The following IQCM variants were observed in gnomAD, a reference collection of about 807,000 sequenced individuals.
IQCM encodes the protein IQ domain-containing protein M.
Under a neutral mutation model 57.6 loss-of-function variants are expected in IQCM, and 45 were observed. The observed-to-expected ratio is 0.78, with a 90% CI of 0.62 to 1.00. IQCM has a LOEUF of 1.00. Among genes scored for constraint, IQCM ranks in the 50% least tolerant of loss-of-function variants. IQCM has a pLI of 0.00. For synonymous variants in IQCM, 148 were observed against 158.9 expected (o/e 0.93, Z 0.51); for missense variants, 468 against 511.6 (o/e 0.91, Z 0.82).
At chr4:149,616,513 T>C (rs561050194) in intron 8 of IQCM, among the ~76,000 whole-genome samples, 9 of 152,252 alleles carry the variant, frequency 5.9e-5, no homozygotes, top group African/African-American at 1.9e-4. Context: ...TGGATAGTAA[T>C]GATGGTTACA....
intron 13 of IQCM, among the ~76,000 whole-genome samples, chr4:149,368,329 C>G (rs1267359733): frequency 1.3e-5 from 2 of 151,852 alleles, no homozygotes; most frequent in Non-Finnish European, 2.9e-5. Flanking sequence ...ATGTTATAAA[C>G]TATGAGAATA....
intron 2 of IQCM, among the ~76,000 whole-genome samples, chr4:149,781,699 G>T (rs1771616611): frequency 6.6e-6 from 1 of 152,172 alleles, no homozygotes; most frequent in Non-Finnish European, 1.5e-5. Context: ...TCAGACATCT[G>T]CTGGGGGTCT....
intron 7 of IQCM, among the ~76,000 whole-genome samples, chr4:149,651,014 T>C (rs917633737): frequency 6.6e-6 from 1 of 152,072 alleles, no homozygotes; most frequent in Non-Finnish European, 1.5e-5. Flanking sequence ...AAGTGAAAAA[T>C]CAGGAATTCA....
At chr4:149,478,746 G>A (rs899506714) in intron 12 of IQCM, among the ~76,000 whole-genome samples, 3 of 152,106 alleles carry the variant, frequency 2.0e-5, no homozygotes, top group African/African-American at 7.2e-5. Context: ...GAATCTACAA[G>A]AGTCTTTCTA....
At chr4:149,595,571 C>T (rs974538375) in intron 8 of IQCM, among the ~76,000 whole-genome samples, 3 of 152,148 alleles carry the variant, frequency 2.0e-5, no homozygotes, top group African/African-American at 7.2e-5. Flanking sequence ...CTGAAGAAGT[C>T]AGTCATGTCC....
At chr4:149,442,134 A>G (rs1424084196) in intron 12 of IQCM, among the ~76,000 whole-genome samples, 2 of 152,194 alleles carry the variant, frequency 1.3e-5, no homozygotes, top group Non-Finnish European at 2.9e-5. Flanking sequence ...CTTGATAACT[A>G]ATGAGACTTG....
rs183244146 is a variant in IQCM at position 149,503,875 on chromosome 4, C to A, written c.1228+44580G>T. Among the ~76,000 whole-genome samples the A allele has an allele frequency of 3.5e-3, 527 of 152,048 alleles. 2 individuals carry two copies. The highest frequency in any genetic ancestry group is 0.014 in the Middle Eastern group (4 of 294). Reference sequence around the variant, plus strand: ...TAAACATCAAATTGGAGATGAAATTCATCTGGAATTTTGAGGGAGAAAAAA... The same window carrying A: ...TAAACATCAAATTGGAGATGAAATTAATCTGGAATTTTGAGGGAGAAAAAA... On this transcript the variant is annotated intron_variant, in intron 12 of 13. Transcript: ENST00000636793.
chr4:149,358,849 T>TATCATGATATACTCTCATGAGTAC (rs1729224534), intron 13 of IQCM, among the ~76,000 whole-genome samples: 1 of 151,446 alleles, frequency 6.6e-6, no homozygotes, highest in Admixed American at 6.6e-5. Flanking sequence ...GTGGACAGTA[T>TATCATGATATACTCTCATGAGTAC]ATCATGATAT....
At chr4:149,701,545 G>A (rs938540035) in intron 5 of IQCM, among the ~76,000 whole-genome samples, 1 of 151,930 alleles carries the variant, frequency 6.6e-6, no homozygotes, top group African/African-American at 2.4e-5. Context: ...CAATGGTGTT[G>A]TCATTTCTCT....
intron 13 of IQCM, chr4:149,429,908 T>G: frequency 1.0e-6 from 1 of 963,136 alleles, no homozygotes; most frequent in Non-Finnish European, 1.3e-6. Flanking sequence ...AGTTTGAAAA[T>G]AACAACGTAA....
intron 13 of IQCM, among the ~76,000 whole-genome samples, chr4:149,417,876 T>C (rs913236453): frequency 6.6e-6 from 1 of 150,424 alleles, no homozygotes; most frequent in Non-Finnish European, 1.5e-5. Context: ...CACTTGAAGA[T>C]TGTAGGAATT....
intron 5 of IQCM, among the ~76,000 whole-genome samples, chr4:149,702,662 G>A (rs1763860547): frequency 6.6e-6 from 1 of 151,896 alleles, no homozygotes; most frequent in South Asian, 2.1e-4. Context: ...AAATAAGAAA[G>A]TACAGATGGA....
At chr4:149,645,809 C>T (rs911613278) in intron 7 of IQCM, among the ~76,000 whole-genome samples, 1 of 152,006 alleles carries the variant, frequency 6.6e-6, no homozygotes, top group Non-Finnish European at 1.5e-5. Flanking sequence ...ACAGTGGCAC[C>T]CAACTCCCTC....
At chr4:149,814,623 C>A (rs1465870900) in intron 2 of IQCM, among the ~76,000 whole-genome samples, 1 of 151,854 alleles carries the variant, frequency 6.6e-6, no homozygotes, top group Non-Finnish European at 1.5e-5. Context: ...ATCAGGTATC[C>A]AGAATAGCTA....
At chr4:149,611,966 T>TTA (rs1755335068) in intron 8 of IQCM, among the ~76,000 whole-genome samples, 1 of 151,204 alleles carries the variant, frequency 6.6e-6, no homozygotes, top group Non-Finnish European at 1.5e-5. Context: ...TAACAATAAT[T>TTA]TTATTATTTA....
chr4:149,750,371 C>T (rs963599942), intron 2 of IQCM, among the ~76,000 whole-genome samples: 1 of 152,130 alleles, frequency 6.6e-6, no homozygotes, highest in Non-Finnish European at 1.5e-5. Flanking sequence ...AATAGAGTGA[C>T]GCTTTCCTTG....
intron 12 of IQCM, among the ~76,000 whole-genome samples, chr4:149,479,481 T>A (rs1328540134): frequency 1.3e-5 from 2 of 152,222 alleles, no homozygotes; most frequent in Non-Finnish European, 2.9e-5. Context: ...ACTCATATGA[T>A]CTTCCTAGTA....
At chr4:149,397,021 T>A (rs752648830) in intron 13 of IQCM, among the ~76,000 whole-genome samples, 2 of 152,026 alleles carry the variant, frequency 1.3e-5, no homozygotes, top group Non-Finnish European at 2.9e-5. Context: ...AATGCTCATA[T>A]CTTGGAGACA....
intron 2 of IQCM, among the ~76,000 whole-genome samples, chr4:149,770,549 A>C (rs1208818545): frequency 6.6e-6 from 1 of 152,088 alleles, no homozygotes; most frequent in African/African-American, 2.4e-5. Context: ...TTAGTAAATA[A>C]AATTTGGTAA....
Sources: allele counts gnomAD v4.1 joint callset (sites outside exome capture counted in the v4.1 genomes callset), GRCh38; gene constraint gnomAD v4.1.1; transcripts MANE v1.5; gene names NCBI Gene and HGNC (gene_info 2026-07-23, HGNC 2026-07-21).